MTUS2: variants seen among roughly 807,000 people sequenced by gnomAD.
MTUS2 encodes the protein microtubule-associated tumor suppressor candidate 2.
In MTUS2, 40 loss-of-function variants were observed where a neutral mutation model predicts 114.1. That is an observed-to-expected ratio of 0.35 (90% CI 0.27 to 0.46). MTUS2 has a LOEUF of 0.46. MTUS2 is among the 20% of genes least tolerant of loss of function. The probability of loss-of-function intolerance (pLI) is 1.00; values close to 1 mark genes in which losing one functional copy is unlikely to be tolerated. For synonymous variants in MTUS2, 688 were observed against 672.0 expected (o/e 1.02, Z -0.37); for missense variants, 1,679 against 1,705.4 (o/e 0.98, Z 0.27).
intron 5 of MTUS2, among the ~76,000 whole-genome samples, chr13:29,214,681 A>G (rs921828414): frequency 9.9e-5 from 15 of 152,210 alleles, no homozygotes; most frequent in African/African-American, 3.1e-4. Context: ...AATGTTGAAT[A>G]TTGGCCACCA....
intron 2 of MTUS2, among the ~76,000 whole-genome samples, chr13:29,005,283 G>A (rs550573949): frequency 7.3e-4 from 111 of 152,306 alleles, no homozygotes; most frequent in Non-Finnish European, 2.1e-4. Context: ...CCAGAGAGGG[G>A]CTTGGGAGTT....
intron 4 of MTUS2, among the ~76,000 whole-genome samples, chr13:29,082,735 GT>G (rs1339914805): frequency 6.6e-6 from 1 of 152,160 alleles, no homozygotes; most frequent in Non-Finnish European, 1.5e-5. Flanking sequence ...GAGAACAGAA[GT>G]TTCTCTTCTC....
intron 9 of MTUS2, among the ~76,000 whole-genome samples, chr13:29,461,884 G>T (rs1879522835): frequency 6.6e-6 from 1 of 152,188 alleles, no homozygotes; most frequent in Non-Finnish European, 1.5e-5. Flanking sequence ...ATCTCAGACT[G>T]ACAAGGGGCT....
chr13:29,348,971 T>C (rs1868988267), intron 7 of MTUS2, among the ~76,000 whole-genome samples: 2 of 152,192 alleles, frequency 1.3e-5, no homozygotes, highest in African/African-American at 4.8e-5. Context: ...CTCATGTAAT[T>C]AGATCTTACA....
chr13:29,038,750 G>C (rs1261166405), intron 4 of MTUS2, among the ~76,000 whole-genome samples: 1 of 152,264 alleles, frequency 6.6e-6, no homozygotes, highest in Non-Finnish European at 1.5e-5. Flanking sequence ...CCAGACGGGA[G>C]GAATCTAGAG....
In MTUS2 at chr13:29,202,235, A is replaced by G. The variant is rs188199985; in HGVS notation, c.2645-79469A>G. 1.4e-4 allele frequency among the ~76,000 whole-genome samples: 21 copies of G among 152,050 alleles called. 1 individual carries two copies. Among genetic ancestry groups the G allele is most frequent in the Admixed American group, 5.9e-4 (9 of 15,290 alleles). On this transcript the variant is annotated intron_variant, in intron 5 of 15. Coordinates refer to ENST00000612955, the MANE Select transcript of MTUS2 (RefSeq NM_001033602.4). ...TTCTTTTTTCTCTAATCTTGTCTTC[A>G]TGCTGTACTTCATTAAATTGATCTT...
At chr13:28,853,867 A>G (rs937613921) in intron 2 of MTUS2, among the ~76,000 whole-genome samples, 3 of 152,244 alleles carry the variant, frequency 2.0e-5, no homozygotes, top group African/African-American at 7.2e-5. Flanking sequence ...CAAGAAGATT[A>G]TTTGAAATAT....
intron 2 of MTUS2, among the ~76,000 whole-genome samples, chr13:28,933,147 ACACACACACACACACAGATT>A (rs1270414314): frequency 4.6e-5 from 7 of 150,746 alleles, no homozygotes; most frequent in African/African-American, 1.7e-4. Flanking sequence ...ACACACACAC[ACACACACACACACACAGATT>A]GATTGATCTG....
intron 3 of MTUS2, among the ~76,000 whole-genome samples, chr13:29,032,942 C>T (rs546952067): frequency 5.9e-5 from 9 of 152,180 alleles, no homozygotes; most frequent in South Asian, 2.1e-4. Flanking sequence ...AGTTCTCTCT[C>T]TTTTTTTCCT....
intron 6 of MTUS2, among the ~76,000 whole-genome samples, chr13:29,315,209 T>G (rs1899936085): frequency 6.6e-6 from 1 of 152,156 alleles, no homozygotes; most frequent in Non-Finnish European, 1.5e-5. Flanking sequence ...AGTTAATGAA[T>G]GCAAAATTAC....
intron 6 of MTUS2, among the ~76,000 whole-genome samples, chr13:29,286,189 G>T (rs1488134564): frequency 6.6e-6 from 1 of 152,158 alleles, no homozygotes; most frequent in East Asian, 1.9e-4. Context: ...GCCTCCCAAA[G>T]TGCTGGGATT....
At chr13:28,869,256 C>T (rs1164696785) in intron 2 of MTUS2, among the ~76,000 whole-genome samples, 1 of 152,170 alleles carries the variant, frequency 6.6e-6, no homozygotes, top group Non-Finnish European at 1.5e-5. Context: ...TTAAAGTTGG[C>T]TCTCTCAGGT....
intron 5 of MTUS2, among the ~76,000 whole-genome samples, chr13:29,219,105 A>G (rs1308062264): frequency 7.2e-6 from 1 of 138,284 alleles, no homozygotes; most frequent in African/African-American, 2.7e-5. Flanking sequence ...TATATCTCCC[A>G]ATGCTATCCC....
At chr13:29,208,194 C>A (rs1170339683) in intron 5 of MTUS2, among the ~76,000 whole-genome samples, 1 of 152,080 alleles carries the variant, frequency 6.6e-6, no homozygotes, top group Non-Finnish European at 1.5e-5. Context: ...TCCATCTCCT[C>A]TAGGTTTTCT....
chr13:29,086,005 G>A (rs1193004859), intron 4 of MTUS2, among the ~76,000 whole-genome samples: 1 of 152,082 alleles, frequency 6.6e-6, no homozygotes, highest in Admixed American at 6.6e-5. Flanking sequence ...ATGTCATTGA[G>A]GTTTTGATTT....
chr13:29,208,434 T>A (rs1216184232), intron 5 of MTUS2, among the ~76,000 whole-genome samples: 1 of 152,096 alleles, frequency 6.6e-6, no homozygotes, highest in Non-Finnish European at 1.5e-5. Context: ...TCTTTAGTTC[T>A]GCTCTGATCT....
At chr13:29,141,519 C>G (rs944814259) in intron 5 of MTUS2, among the ~76,000 whole-genome samples, 7 of 152,160 alleles carry the variant, frequency 4.6e-5, no homozygotes, top group Admixed American at 3.9e-4. Context: ...GGAGATGGGT[C>G]ATAGAAGTCT....
At position 29,503,216 on chromosome 13, in the gene MTUS2, A is replaced by ACGGCCTG; in HGVS notation, c.*14_*20dup. ...CACAACACCCAGATGACGCCACTAC[A>ACGGCCTG]CGGCCTGCGGGAGCTCCGGCTTCTC... On this transcript the variant is annotated 3_prime_UTR_variant, in exon 16 of 16. Coordinates refer to ENST00000612955, the MANE Select transcript of MTUS2 (RefSeq NM_001033602.4). 1 of 1,612,656 alleles carries ACGGCCTG rather than the reference A, an allele frequency of 6.2e-7. No individual in the cohort carries two copies. Among genetic ancestry groups the ACGGCCTG allele is most frequent in the South Asian group, 1.1e-5 (1 of 91,012 alleles).
chr13:29,307,876 A>AT, intron 6 of MTUS2: 1 of 578,028 alleles, frequency 1.7e-6, no homozygotes, highest in Non-Finnish European at 3.1e-6. Flanking sequence ...CACACTGAGA[A>AT]TCCCCCCTCC....
Sources: allele counts gnomAD v4.1 joint callset (sites outside exome capture counted in the v4.1 genomes callset), GRCh38; gene constraint gnomAD v4.1.1; transcripts MANE v1.5; gene names NCBI Gene and HGNC (gene_info 2026-07-23, HGNC 2026-07-21).